SCP2: variants seen among roughly 807,000 people sequenced by gnomAD.
The protein encoded by SCP2 is sterol carrier protein 2, also known as SCP-2/3-oxoacyl-CoA thiolase.
A neutral mutation model predicts 71.4 loss-of-function variants in SCP2; 48 were observed. The observed-to-expected ratio is 0.67, with a 90% CI of 0.53 to 0.86. The LOEUF (loss-of-function observed/expected upper bound fraction) is 0.86, where lower values mean the gene tolerates loss of function less well. Ranked by LOEUF, SCP2 falls within the 40% of genes least tolerant of loss-of-function variation. SCP2 has a pLI of 0.00. For missense variants in SCP2, 560 were observed against 655.6 expected (o/e 0.85, Z 1.59); for synonymous variants, 220 against 218.1 (o/e 1.01, Z -0.08).
At chr1:52,949,680 A>G (rs1655119089) in intron 3 of SCP2, among the ~76,000 whole-genome samples, 1 of 152,238 alleles carries the variant, frequency 6.6e-6, no homozygotes, top group Admixed American at 6.5e-5. Flanking sequence ...AACTTGTGGA[A>G]TGCTGAGAAA....
At chr1:52,950,265 T>G (rs752523666) in intron 3 of SCP2, among the ~76,000 whole-genome samples, 22 of 152,102 alleles carry the variant, frequency 1.4e-4, no homozygotes, top group Non-Finnish European at 2.2e-4. Flanking sequence ...GGATTACAGG[T>G]GCATGCCACC....
intron 10 of SCP2, among the ~76,000 whole-genome samples, chr1:52,982,330 G>A (rs1157768331): frequency 3.3e-5 from 5 of 152,142 alleles, no homozygotes; most frequent in African/African-American, 9.7e-5. Context: ...CAGCACTTTG[G>A]GAGGCCAAGG....
intron 11 of SCP2, among the ~76,000 whole-genome samples, chr1:53,006,456 G>A (rs1199602642): frequency 3.9e-5 from 6 of 152,158 alleles, no homozygotes; most frequent in African/African-American, 1.2e-4. Context: ...CAAGCCAGAA[G>A]AGAGTGGGGG....
At chr1:53,023,391 C>G (rs1026693079) in intron 12 of SCP2, among the ~76,000 whole-genome samples, 3 of 152,150 alleles carry the variant, frequency 2.0e-5, no homozygotes, top group Non-Finnish European at 2.9e-5. Context: ...GTCACATATT[C>G]AGACTTTTGA....
intron 3 of SCP2, among the ~76,000 whole-genome samples, chr1:52,948,418 G>T (rs530340261): frequency 2.0e-4 from 31 of 152,218 alleles, no homozygotes; most frequent in African/African-American, 6.3e-4. Flanking sequence ...GGCCGAGGCA[G>T]GCGGATCACG....
chr1:53,038,637 T>C (rs1399578250), intron 13 of SCP2, among the ~76,000 whole-genome samples: 5 of 152,106 alleles, frequency 3.3e-5, no homozygotes, highest in Admixed American at 3.3e-4. Flanking sequence ...ACTCTTGGGC[T>C]CAAGTGATCC....
intron 11 of SCP2, among the ~76,000 whole-genome samples, chr1:53,000,252 CAAAAAAA>C (rs34392119): frequency 1.1e-5 from 1 of 92,120 alleles, no homozygotes; most frequent in African/African-American, 3.3e-5. Flanking sequence ...TAGTTTCTAC[CAAAAAAA>C]AAAAAAAAAA....
At chr1:52,971,975 G>A (rs1249582101) in intron 6 of SCP2, among the ~76,000 whole-genome samples, 2 of 152,198 alleles carry the variant, frequency 1.3e-5, no homozygotes, top group Non-Finnish European at 2.9e-5. Flanking sequence ...TTAGCCTCAG[G>A]AGAGAATGGG....
intron 13 of SCP2, among the ~76,000 whole-genome samples, chr1:53,032,638 T>C (rs144545872): frequency 1.3e-5 from 2 of 152,288 alleles, no homozygotes; most frequent in African/African-American, 4.8e-5. Flanking sequence ...CAGACAAATA[T>C]CCTTCGGATC....
intron 1 of SCP2, chr1:52,934,909 C>T (rs926773419): frequency 2.7e-5 from 4 of 149,060 alleles, no homozygotes; most frequent in African/African-American, 2.4e-5. Flanking sequence ...TCGTGATCCG[C>T]CCGTCTCGGC....
At chr1:53,039,579 A>G (rs1273161358) in intron 14 of SCP2, among the ~76,000 whole-genome samples, 1 of 152,200 alleles carries the variant, frequency 6.6e-6, no homozygotes, top group East Asian at 1.9e-4. Flanking sequence ...CAAGATCACC[A>G]GTGACTACCA....
At chr1:52,973,711 T>C (rs868422938) in intron 6 of SCP2, among the ~76,000 whole-genome samples, 6 of 152,202 alleles carry the variant, frequency 3.9e-5, no homozygotes, top group Non-Finnish European at 7.3e-5. Context: ...GTAGCTGAGA[T>C]GACAGGTGTA....
chr1:53,015,034 A>G lies in SCP2; in HGVS notation c.1226A>G (p.Glu409Gly). 1 of 1,614,156 alleles carries G rather than the reference A, an allele frequency of 6.2e-7. No individual in the cohort carries two copies. Among genetic ancestry groups the G allele is most frequent in the Non-Finnish European group, 8.5e-7 (1 of 1,179,990 alleles). The change falls in exon 12 of 16, where the codon GAA becomes GGA. Residue 409 changes from glutamate (E) to glycine (G), a missense_variant. By Grantham distance (98) the Glu-to-Gly change is moderately conservative (BLOSUM62 -2). Transcript: ENST00000371514. ...VVTLYKMGFP[E>G]AASSFRTHQI... ...ACACTCTACAAGATGGGTTTTCCGG[A>G]AGCCGCCAGGTGAGTGACATTCAGA...
intron 12 of SCP2, among the ~76,000 whole-genome samples, chr1:53,016,229 T>C (rs1661330516): frequency 6.6e-6 from 1 of 152,180 alleles, no homozygotes; most frequent in Non-Finnish European, 1.5e-5. Flanking sequence ...AAACTTATAA[T>C]TTAAAGCCCG....
chr1:53,038,879 T>C (rs776012086), intron 13 of SCP2, 38 bp from the exon 14 acceptor site: 1 of 1,612,322 alleles, frequency 6.2e-7, no homozygotes, highest in Non-Finnish European at 8.5e-7. Context: ...GCCAGAGAAA[T>C]GGACTTAATG....
intron 2 of SCP2, chr1:52,943,668 T>C: frequency 6.9e-6 from 3 of 432,712 alleles, no homozygotes; most frequent in South Asian, 5.3e-5. Flanking sequence ...AAAGCACCAA[T>C]AGCTGCACTT....
In SCP2 at chr1:52,961,723, CA is replaced by C. The variant is rs1000749170; in HGVS notation, c.523+95del. ...TTTATTAAGGAACTGTGGAGGATGCCAGGATATATAAGATGTAAAATGTTTT... is the reference window on the plus strand; with the variant it reads ...TTTATTAAGGAACTGTGGAGGATGCCGGATATATAAGATGTAAAATGTTTT... On this transcript the variant is annotated intron_variant, in intron 6 of 15. Coordinates refer to ENST00000371514, the MANE Select transcript of SCP2 (RefSeq NM_002979.5). The C allele has an allele frequency of 6.4e-6, 7 of 1,102,156 alleles. No individual in the cohort carries two copies. The African/African-American group carries it at 1.1e-4, about 17-fold the overall frequency. 68.3% of individuals were successfully genotyped at this position (1,102,156 alleles called of 1,614,324 possible). A position where few individuals can be genotyped will look rare whatever the true frequency, so the allele number is the denominator to read the frequency against.
At position 52,980,487 on chromosome 1, in the gene SCP2, A is replaced by G. The variant is rs1175225228; in HGVS notation, c.917A>G (p.Asp306Gly). The G allele has an allele frequency of 6.2e-7, 1 of 1,614,058 alleles. No homozygotes were observed. The highest frequency in any genetic ancestry group is 1.1e-5 in the South Asian group (1 of 91,076). The change falls in exon 10 of 16, where the codon GAT becomes GGT. Residue 306 changes from aspartate (D) to glycine (G), a missense_variant. Transcript: ENST00000371514. ...PNDIDVIELH[D>G]CFSTNELLTY... ...GATATTGACGTAATAGAACTTCACG[A>G]TTGCTTTTCTACCAACGAACTCCTT... is the stretch of plus-strand genomic sequence containing the variant.
chr1:52,936,716 T>A (rs1653774662), intron 1 of SCP2, among the ~76,000 whole-genome samples: 2 of 152,196 alleles, frequency 1.3e-5, no homozygotes, highest in South Asian at 4.1e-4. Context: ...TAAACTATAA[T>A]GTCTTTGGAT....
Sources: gnomAD v4.1 joint callset for allele counts (sites outside exome capture counted in the v4.1 genomes callset) on GRCh38, gnomAD v4.1.1 for gene constraint, MANE v1.5 for transcripts, NCBI Gene and HGNC (gene_info 2026-07-23, HGNC 2026-07-21) for gene names.